The following LRRC66 variants were observed in gnomAD, a reference collection of about 807,000 sequenced individuals.
The protein encoded by LRRC66 is leucine rich repeat containing 66.
LRRC66 carries 29 observed loss-of-function variants against 24.6 expected under a neutral mutation model. The observed-to-expected ratio is 1.18, with a 90% CI of 0.88 to 1.61. LRRC66 has a LOEUF of 1.61. LRRC66 is among the 40% of genes most tolerant of loss of function. The pLI, the probability that LRRC66 is intolerant of heterozygous loss-of-function variation, is 0.00. For synonymous variants in LRRC66, 411 were observed against 397.6 expected, an observed-to-expected ratio of 1.03 and a Z score of -0.40; for missense variants, 1,124 against 1,058.0, an observed-to-expected ratio of 1.06 and a Z score of -0.87.
At chr4:52,006,261 T>C (rs1736582275) in intron 2 of LRRC66, among the ~76,000 whole-genome samples, 1 of 152,154 alleles carries the variant, frequency 6.6e-6, no homozygotes, top group Admixed American at 6.5e-5. Flanking sequence ...CGTATGTTTA[T>C]TGCAGCATCA....
chr4:52,006,643 T>C (rs1736591772), intron 2 of LRRC66, among the ~76,000 whole-genome samples: 1 of 146,386 alleles, frequency 6.8e-6, no homozygotes, highest in African/African-American at 2.5e-5. Flanking sequence ...ATGGCACATG[T>C]ATACATATGT....
chr4:51,997,471 CT>C, intron 4 of LRRC66, among the ~76,000 whole-genome samples: 10 of 152,216 alleles, frequency 6.6e-5, no homozygotes, highest in Admixed American at 6.5e-4. Flanking sequence ...CAGAACAAAA[CT>C]CACTTCTAGT....
chr4:52,005,024 T>C (rs1185638282), intron 2 of LRRC66, among the ~76,000 whole-genome samples: 3 of 152,208 alleles, frequency 2.0e-5, no homozygotes, highest in Non-Finnish European at 4.4e-5. Context: ...TATTTGTTTG[T>C]TTGCATGTCT....
intron 2 of LRRC66, among the ~76,000 whole-genome samples, chr4:52,007,634 G>A (rs1736618124): frequency 1.3e-5 from 2 of 152,158 alleles, no homozygotes; most frequent in Admixed American, 6.5e-5. Context: ...TGGAAGCCAG[G>A]TCCATTAGTT....
rs193213253 is a variant in LRRC66, at chr4:52,019,118, G to A, written c.-6+1186C>T. 9.7e-3 allele frequency among the ~76,000 whole-genome samples: 1,470 copies of A among 152,126 alleles called. 35 individuals carry two copies. The highest frequency in any genetic ancestry group is 0.053 in the Admixed American group (811 of 15,286). ...TCGAACTCCTGACCTCAGGTGACCC[G>A]CCCACCTTGGCCTCCCAAAGTGCTG... is the stretch of plus-strand genomic sequence containing the variant. On this transcript the variant is annotated intron_variant, in intron 1 of 4. Coordinates refer to ENST00000682860, the MANE Select transcript of LRRC66 (RefSeq NM_001024611.3).
chr4:52,003,309 A>G lies in LRRC66; in HGVS notation c.580T>C (p.Cys194Arg), dbSNP rs1194007908. The G allele has an allele frequency of 1.9e-6, 3 of 1,613,826 alleles. No individual in the cohort carries two copies. Among genetic ancestry groups the G allele is most frequent in the East Asian group, 2.2e-5 (1 of 44,856 alleles). The stretch of plus-strand genomic sequence containing the variant: ...AAACAGAGATTCTCCAGTTGCAGGC[A>G]GTTGTGAAAATCAGACCACCCTATT... ...LQIGWSDFHN[C>R]LQLENLCLKS... The change falls in exon 3 of 5, where the codon TGC becomes CGC. Residue 194 changes from cysteine to arginine, a missense_variant. Transcript: ENST00000682860.
chr4:52,019,023 T>C (rs1736884144), intron 1 of LRRC66, among the ~76,000 whole-genome samples: 1 of 152,180 alleles, frequency 6.6e-6, no homozygotes, highest in South Asian at 2.1e-4. Flanking sequence ...ATTACAGGCA[T>C]GTGCCACTAC....
chr4:51,997,714 A>C, intron 4 of LRRC66, 34 bp downstream of exon 4: 1 of 1,574,876 alleles, frequency 6.3e-7, no homozygotes, highest in Admixed American at 1.7e-5. Context: ...TTCATTATAA[A>C]TGGAGCCTTT....
rs748782991 is a variant in LRRC66, at chr4:51,994,624, C to T, written c.2398G>A (p.Glu800Lys). ...GACCTGGGCCAGGGTGACAGGCCCTCAGATCTATCAGTGTCAGAGGCATTT... is the reference window on the plus strand; with the variant it reads ...GACCTGGGCCAGGGTGACAGGCCCTTAGATCTATCAGTGTCAGAGGCATTT... ...LENASDTDRS[E>K]GLSPWPRSPG... Residue 800 changes from glutamate (E) to lysine (K), a missense_variant, in exon 5 of 5, where the codon GAG (glutamate) becomes AAG (lysine). Glu to Lys is a moderately conservative substitution (Grantham distance 56). Coordinates refer to ENST00000682860, the MANE Select transcript of LRRC66 (RefSeq NM_001024611.3). 4 of 1,607,538 alleles carry T rather than the reference C, an allele frequency of 2.5e-6. No individual in the cohort carries two copies. The highest frequency in any genetic ancestry group is 4.5e-5 in the East Asian group (2 of 44,864).
At chr4:52,015,482 T>TA (rs1736788814) in intron 2 of LRRC66, among the ~76,000 whole-genome samples, 2 of 152,270 alleles carry the variant, frequency 1.3e-5, no homozygotes, top group African/African-American at 4.8e-5. Context: ...GATGCCTTGT[T>TA]AGAGTATACG....
chr4:52,017,201 C>T lies in LRRC66; in HGVS notation c.413G>A (p.Arg138His), dbSNP rs774884332. ...CCTGTTTCTGAAGCTGCTTCTGTGG[C>T]GTTTCACCCATGAGGACTTAGGACT... ...LLSPKSSWVK[R>H]HRSSFRNRFP... Residue 138 changes from arginine (R) to histidine (H), a missense_variant, in exon 2 of 5, where the codon CGC becomes CAC. Coordinates refer to ENST00000682860, the MANE Select transcript of LRRC66 (RefSeq NM_001024611.3). The T allele has an allele frequency of 2.0e-5, 32 of 1,613,970 alleles. No homozygotes were observed. In the African/African-American group the frequency reaches 3.5e-4, roughly 18 times the overall value.
At chr4:52,015,466 C>A (rs1042810739) in intron 2 of LRRC66, among the ~76,000 whole-genome samples, 1 of 152,078 alleles carries the variant, frequency 6.6e-6, no homozygotes, top group Non-Finnish European at 1.5e-5. Context: ...TTAGAGTATA[C>A]GATTTGATGC....
intron 2 of LRRC66, among the ~76,000 whole-genome samples, chr4:52,011,658 G>C (rs1417932888): frequency 1.3e-5 from 2 of 152,138 alleles, no homozygotes; most frequent in Non-Finnish European, 2.9e-5. Flanking sequence ...CACTAAAGGG[G>C]AACTAATGCT....
chr4:52,001,944 C>T (rs1002668587), intron 3 of LRRC66, among the ~76,000 whole-genome samples: 1 of 152,170 alleles, frequency 6.6e-6, no homozygotes, highest in Admixed American at 6.5e-5. Context: ...TGTCCATCAG[C>T]CACTTATTCA....
intron 3 of LRRC66, among the ~76,000 whole-genome samples, chr4:51,998,901 C>A (rs543474071): frequency 6.6e-6 from 1 of 152,188 alleles, no homozygotes; most frequent in Non-Finnish European, 1.5e-5. Context: ...TGGGTTAAGC[C>A]ACACAGTATA....
Position 51,994,272 on chromosome 4 carries a change from C to T in LRRC66, c.*107G>A, listed in dbSNP as rs529995822. On this transcript the variant is annotated 3_prime_UTR_variant, in exon 5 of 5. Coordinates refer to ENST00000682860, the MANE Select transcript of LRRC66 (RefSeq NM_001024611.3). ...CATCAGTGTCCACTTGGTTGGAATT[C>T]ATGTTGTCTCCTTCAGGATCTTGTT... The T allele has an allele frequency of 5.5e-6, 6 of 1,085,182 alleles. No homozygotes were observed. In the South Asian group the frequency reaches 6.8e-5, roughly 12 times the overall value. 67.2% of individuals were successfully genotyped at this position (1,085,182 alleles called of 1,614,324 possible).
intron 2 of LRRC66, among the ~76,000 whole-genome samples, chr4:52,006,723 A>G (rs1736594114): frequency 1.4e-4 from 2 of 13,856 alleles, no homozygotes; most frequent in Admixed American, 7.6e-4. Context: ...TAATAATAAT[A>G]ATAAAGAAAA....
chr4:52,017,819 T>A, intron 1 of LRRC66: 1 of 985,376 alleles, frequency 1.0e-6, no homozygotes, highest in East Asian at 1.1e-4. Context: ...ATTACATTTA[T>A]GTCACATTTT....
chr4:52,016,588 A>G (rs914353265), intron 2 of LRRC66, among the ~76,000 whole-genome samples: 2 of 152,184 alleles, frequency 1.3e-5, no homozygotes, highest in African/African-American at 4.8e-5. Flanking sequence ...GTTAGAAACT[A>G]GGATAAGGAA....
Sources: gnomAD v4.1 joint callset for allele counts (sites outside exome capture counted in the v4.1 genomes callset) on GRCh38, gnomAD v4.1.1 for gene constraint, MANE v1.5 for transcripts, NCBI Gene and HGNC (gene_info 2026-07-23, HGNC 2026-07-21) for gene names.